FTO: variants seen among roughly 807,000 people sequenced by gnomAD.
The protein encoded by FTO is alpha-ketoglutarate-dependent dioxygenase FTO.
A neutral mutation model predicts 63.9 loss-of-function variants in FTO; 47 were observed. The ratio of observed to expected loss-of-function variants is 0.74; its 90% CI spans 0.58 to 0.94. The LOEUF (loss-of-function observed/expected upper bound fraction) is 0.94. Among genes scored for constraint, FTO ranks in the 40% least tolerant of loss-of-function variants. The pLI is 0.00. For synonymous variants in FTO, 207 were observed against 224.4 expected, an observed-to-expected ratio of 0.92 and a Z score of 0.69; for missense variants, 562 against 618.1, an observed-to-expected ratio of 0.91 and a Z score of 0.96.
intron 8 of FTO, among the ~76,000 whole-genome samples, chr16:54,023,796 C>T (rs2084654020): frequency 1.3e-5 from 2 of 152,154 alleles, no homozygotes. Flanking sequence ...AGTGGGACTT[C>T]ACCATGGTCC....
intron 1 of FTO, among the ~76,000 whole-genome samples, chr16:53,746,585 C>G (rs766943634): frequency 1.2e-4 from 18 of 151,870 alleles, no homozygotes; most frequent in African/African-American, 4.3e-4. Flanking sequence ...TGTAAATTGC[C>G]AAATCATAGT....
chr16:53,919,373 G>A (rs1471437764), intron 7 of FTO, among the ~76,000 whole-genome samples: 2 of 152,046 alleles, frequency 1.3e-5, no homozygotes, highest in Non-Finnish European at 2.9e-5. Flanking sequence ...TACCCCATGA[G>A]ACCCTGGGGT....
chr16:53,825,951 A>G lies in FTO; in HGVS notation c.211A>G (p.Thr71Ala), dbSNP rs771538354. 6.2e-7 allele frequency: 1 copy of G among 1,614,156 alleles called. No homozygotes were observed. Among genetic ancestry groups the G allele is most frequent in the Non-Finnish European group, 8.5e-7 (1 of 1,180,026 alleles). The change falls in exon 3 of 9, where the codon ACA (threonine) becomes GCA (alanine). Residue 71 changes from threonine to alanine, a missense_variant. Coordinates refer to ENST00000471389, the MANE Select transcript of FTO (RefSeq NM_001080432.3). ...TAAAGAGGTTCAAGAAGCCTTTCTC[A>G]CACTGCACAAGCATGGCTGCTTATT... ...LHKEVQEAFL[T>A]LHKHGCLFRD...
chr16:53,885,024 A>G (rs1201313574), intron 6 of FTO, among the ~76,000 whole-genome samples: 1 of 152,104 alleles, frequency 6.6e-6, no homozygotes, highest in African/African-American at 2.4e-5. Flanking sequence ...AACTCTGGAG[A>G]AGGGAGGAAG....
chr16:53,865,988 A>T (rs2151862914), intron 4 of FTO, among the ~76,000 whole-genome samples: 1 of 152,294 alleles, frequency 6.6e-6, no homozygotes, highest in Admixed American at 6.5e-5. Flanking sequence ...CTCTGAGCAG[A>T]AAAGTTTCTA....
intron 7 of FTO, among the ~76,000 whole-genome samples, chr16:53,903,145 C>T (rs533556369): frequency 7.9e-5 from 12 of 152,150 alleles, no homozygotes; most frequent in African/African-American, 2.6e-4. Flanking sequence ...TTATAAAAGC[C>T]TATGCTGTGA....
intron 2 of FTO, among the ~76,000 whole-genome samples, chr16:53,825,068 C>T (rs2078968875): frequency 1.3e-5 from 2 of 152,196 alleles, no homozygotes; most frequent in African/African-American, 4.8e-5. Flanking sequence ...TGTAATAATA[C>T]CTCATTCATC....
chr16:53,849,907 G>A (rs532890831), intron 4 of FTO, among the ~76,000 whole-genome samples: 1 of 152,256 alleles, frequency 6.6e-6, no homozygotes, highest in Admixed American at 6.5e-5. Context: ...CCCTGATTTA[G>A]ACATTTTATT....
chr16:53,927,231 T>C (rs911432646), intron 7 of FTO, among the ~76,000 whole-genome samples: 6 of 152,082 alleles, frequency 3.9e-5, no homozygotes, highest in East Asian at 3.9e-4. Context: ...TTCAGTCATA[T>C]TGAAGAGAGA....
intron 8 of FTO, among the ~76,000 whole-genome samples, chr16:53,950,165 A>AAAAAAAAACAAAAAAAAAAAAAACAAAAC (rs1555497348): frequency 2.0e-5 from 3 of 147,204 alleles, no homozygotes; most frequent in Non-Finnish European, 3.0e-5. Flanking sequence ...TAAAAAAAAA[A>AAAAAAAAACAAAAAAAAAAAAAACAAAAC]AAAAAAAAAA....
chr16:53,984,024 C>T (rs1283127912), intron 8 of FTO, among the ~76,000 whole-genome samples: 1 of 152,192 alleles, frequency 6.6e-6, no homozygotes, highest in East Asian at 1.9e-4. Context: ...GCTTAGTGGC[C>T]ATACCTTCTC....
intron 1 of FTO, among the ~76,000 whole-genome samples, chr16:53,718,029 C>T (rs1009350341): frequency 6.6e-6 from 1 of 152,028 alleles, no homozygotes; most frequent in Non-Finnish European, 1.5e-5. Context: ...TAAAAATCAC[C>T]TTTTCAAGGT....
chr16:54,035,615 C>T (rs1352085451), intron 8 of FTO, among the ~76,000 whole-genome samples: 1 of 152,126 alleles, frequency 6.6e-6, no homozygotes, highest in Non-Finnish European at 1.5e-5. Flanking sequence ...CACGCTGAGA[C>T]CCACTGGAGA....
chr16:53,888,433 T>TATTAAAAATAAA (rs1555489529), intron 6 of FTO, among the ~76,000 whole-genome samples: 1 of 151,286 alleles, frequency 6.6e-6, no homozygotes, highest in African/African-American at 2.4e-5. Context: ...GCCAATTTAT[T>TATTAAAAATAAA]AGTAGCTTGG....
intron 8 of FTO, among the ~76,000 whole-genome samples, chr16:53,997,138 A>C (rs2083950786): frequency 1.7e-5 from 1 of 59,890 alleles, no homozygotes. Flanking sequence ...GAAAGAAGGA[A>C]AGAAAGAGAG....
intron 2 of FTO, among the ~76,000 whole-genome samples, chr16:53,815,794 G>A (rs534790476): frequency 9.2e-4 from 139 of 151,736 alleles, no homozygotes; most frequent in African/African-American, 3.2e-3. Context: ...GACTACAGGC[G>A]CGCGTCACCA....
intron 1 of FTO, among the ~76,000 whole-genome samples, chr16:53,765,130 T>C (rs1423136234): frequency 6.6e-6 from 1 of 152,196 alleles, no homozygotes; most frequent in African/African-American, 2.4e-5. Flanking sequence ...TTCCCGCATG[T>C]TCATTTTGCA....
At chr16:53,777,708 C>T (rs1295870005) in intron 1 of FTO, among the ~76,000 whole-genome samples, 2 of 152,158 alleles carry the variant, frequency 1.3e-5, no homozygotes, top group Admixed American at 1.3e-4. Context: ...TGAAAAGCCC[C>T]AAGCTCAAGG....
Position 53,704,221 on chromosome 16 carries a change from G to C in FTO, c.37G>C (p.Glu13Gln). 1 of 1,551,520 alleles carries C rather than the reference G, an allele frequency of 6.4e-7. No homozygotes were observed. The highest frequency in any genetic ancestry group is 8.7e-7 in the Non-Finnish European group (1 of 1,146,828). ...RTPTAEEREREAKKLRLLEEL... is the reference protein window; with the variant it reads ...RTPTAEERERQAKKLRLLEEL... ...CCCGACTGCCGAGGAACGAGAGCGCGAAGCTAAGGTATGTCGGGCTCCCGG... is the reference window on the plus strand; with the variant it reads ...CCCGACTGCCGAGGAACGAGAGCGCCAAGCTAAGGTATGTCGGGCTCCCGG... The change falls in exon 1 of 9, where the codon GAA (glutamate) becomes CAA (glutamine). Residue 13 changes from glutamate (E) to glutamine (Q), a missense_variant. Coordinates refer to ENST00000471389, the MANE Select transcript of FTO (RefSeq NM_001080432.3).
Sources: gnomAD v4.1 joint callset for allele counts (sites outside exome capture counted in the v4.1 genomes callset) on GRCh38, gnomAD v4.1.1 for gene constraint, MANE v1.5 for transcripts, NCBI Gene and HGNC (gene_info 2026-07-23, HGNC 2026-07-21) for gene names.